CLDN14: variants seen among roughly 807,000 people sequenced by gnomAD.
CLDN14 encodes claudin 14.
CLDN14 carries 2 observed loss-of-function variants against 2.1 expected under a neutral mutation model. The ratio of observed to expected loss-of-function variants is 0.96; its 90% CI spans 0.39 to 3.01. CLDN14 has a LOEUF of 3.01. Among genes scored for constraint, CLDN14 ranks in the 30% most tolerant of loss-of-function variants. The probability of loss-of-function intolerance (pLI) is 0.09; values close to 1 mark genes in which losing one functional copy is unlikely to be tolerated. For missense variants in CLDN14, 298 were observed against 328.0 expected (o/e 0.91, Z 0.71); for synonymous variants, 136 against 154.4 (o/e 0.88, Z 0.88).
chr21:36,490,323 C>T (rs2086947768), intron 2 of CLDN14, among the ~76,000 whole-genome samples: 1 of 152,100 alleles, frequency 6.6e-6, no homozygotes, highest in Admixed American at 6.5e-5. Context: ...CCTGCCTCAG[C>T]CTCCCAAAGA....
chr21:36,461,295 A>G lies in CLDN14; in HGVS notation c.401T>C (p.Val134Ala), dbSNP rs1256854404. 2.5e-6 allele frequency: 4 copies of G among 1,613,738 alleles called. No homozygotes were observed. The Admixed American group carries it at 6.7e-5, about 27-fold the overall frequency. ...LFILAGLLCMVAVSWTTNDVV... is the reference protein window; with the variant it reads ...LFILAGLLCMAAVSWTTNDVV... ...GTCGTTGGTGGTCCAGGAGACGGCC[A>G]CCATGCACAGGAGGCCGGCCAGGAT... The change falls in exon 2 of 2, where the codon GTG (valine) becomes GCG (alanine). Residue 134 changes from valine (V) to alanine (A), a missense_variant. Physicochemically the swap from Val to Ala is moderately conservative, Grantham distance 64. Transcript: ENST00000399135.
intron 1 of CLDN14, chr21:36,531,968 T>C (rs1032478315): frequency 2.0e-5 from 3 of 152,124 alleles, no homozygotes; most frequent in African/African-American, 4.8e-5. Context: ...TTTTTGTTGA[T>C]AGGTGCAGGA....
rs3030072 is a variant in CLDN14, at chr21:36,518,075, T to TACACACAC, written c.-219-7583_-219-7576dup. Among the ~76,000 whole-genome samples the TACACACAC allele has an allele frequency of 3.5e-3, 523 of 148,532 alleles. 2 individuals carry two copies. The highest frequency in any genetic ancestry group is 0.012 in the African/African-American group (493 of 39,862). The stretch of plus-strand genomic sequence containing the variant: ...ATAAATCTCTCTCCACTTACATACG[T>TACACACAC]ACACACACACACACACACACACACA... On this transcript the variant is annotated intron_variant, in intron 1 of 2. Transcript: ENST00000342108.
rs142309167 is a variant in CLDN14, at chr21:36,552,684, A to AAAAAC, written c.-220+23722_-220+23726dup. On this transcript the variant is annotated intron_variant, in intron 1 of 2. Coordinates refer to the CLDN14 transcript ENST00000342108. ...TTGAATCCCTATGATAAAACAAGAC[A>AAAAAC]AAAACAAAACAAAACAAAACAAAAC... Among the ~76,000 whole-genome samples, 16 of 150,576 alleles carry AAAAAC rather than the reference A, an allele frequency of 1.1e-4. No individual in the cohort carries two copies. In the South Asian group the frequency reaches 1.5e-3, roughly 14 times the overall value.
rs535578002 is a variant in CLDN14, at chr21:36,463,451, C to T, written c.-81-1675G>A. On this transcript the variant is annotated intron_variant, in intron 1 of 1. Transcript: ENST00000399135. ...CCCCATCGGGGCTCGGCGGCTCACG[C>T]CTGTAATCCCAGCACTTTGGGAGGC... Among the ~76,000 whole-genome samples the T allele has an allele frequency of 7.9e-5, 12 of 152,334 alleles. No individual in the cohort carries two copies. In the South Asian group the frequency reaches 1.9e-3, roughly 24 times the overall value.
chr21:36,468,441 G>GTGAT (rs1304580159), intron 1 of CLDN14, among the ~76,000 whole-genome samples: 1 of 152,104 alleles, frequency 6.6e-6, no homozygotes, highest in Non-Finnish European at 1.5e-5. Context: ...GCCGGGTGTG[G>GTGAT]TGATGCATGC....
chr21:36,491,907 G>C (rs1391020426), intron 2 of CLDN14, among the ~76,000 whole-genome samples: 19 of 152,266 alleles, frequency 1.2e-4, no homozygotes, highest in Non-Finnish European at 2.9e-5. Flanking sequence ...CATTAAGTGA[G>C]GAGTCCTTGA....
chr21:36,470,036 A>G (rs1001572875), intron 1 of CLDN14, among the ~76,000 whole-genome samples: 1 of 152,188 alleles, frequency 6.6e-6, no homozygotes, highest in Non-Finnish European at 1.5e-5. Flanking sequence ...AAACAAAACA[A>G]AAACAAAAAC....
chr21:36,513,491 C>G (rs2835371), intron 1 of CLDN14, among the ~76,000 whole-genome samples: 119,588 of 152,200 alleles, frequency 0.79, 48,642 homozygotes, highest in Non-Finnish European at 0.92. Context: ...AGTGACAGAA[C>G]ACATTTTTCT....
At chr21:36,555,641 C>T (rs955821447) in intron 1 of CLDN14, among the ~76,000 whole-genome samples, 6 of 152,122 alleles carry the variant, frequency 3.9e-5, no homozygotes, top group African/African-American at 7.2e-5. Context: ...GGGCTCCAGA[C>T]GTTTTCTCGT....
chr21:36,507,441 G>A (rs1218519330), intron 2 of CLDN14, among the ~76,000 whole-genome samples: 1 of 152,094 alleles, frequency 6.6e-6, no homozygotes, highest in African/African-American at 2.4e-5. Context: ...TGGAATGAGA[G>A]GGAAGGAAAT....
At chr21:36,536,655 G>A (rs577378129) in intron 1 of CLDN14, among the ~76,000 whole-genome samples, 1 of 152,264 alleles carries the variant, frequency 6.6e-6, no homozygotes, top group African/African-American at 2.4e-5. Flanking sequence ...TTATACGAAC[G>A]ACACTAATGT....
At chr21:36,507,398 C>G (rs1414846040) in intron 2 of CLDN14, among the ~76,000 whole-genome samples, 1 of 152,104 alleles carries the variant, frequency 6.6e-6, no homozygotes, top group African/African-American at 2.4e-5. Context: ...AGCCCAGAGA[C>G]AACCGCTTGA....
chr21:36,461,340 A>G lies in CLDN14; in HGVS notation c.356T>C (p.Ile119Thr). Residue 119 changes from isoleucine to threonine, a missense_variant, in exon 2 of 2, where the codon ATC becomes ACC. Physicochemically the swap from Ile to Thr is moderately conservative, Grantham distance 89. Coordinates refer to ENST00000399135, the MANE Select transcript of CLDN14 (RefSeq NM_001146079.2). ...CAGGATGAAGAGGGTGCCGCCGAGG[A>G]TGGCAAAGGTGGTCTTGGCGGGTGT... Reference protein sequence around the residue: ...KGTPAKTTFAILGGTLFILAG... With the variant: ...KGTPAKTTFATLGGTLFILAG... The G allele has an allele frequency of 6.2e-7, 1 of 1,613,544 alleles. No individual in the cohort carries two copies. The highest frequency in any genetic ancestry group is 8.5e-7 in the Non-Finnish European group (1 of 1,179,956).
intron 2 of CLDN14, among the ~76,000 whole-genome samples, chr21:36,500,588 T>C (rs757065827): frequency 1.6e-4 from 24 of 152,142 alleles, no homozygotes; most frequent in Non-Finnish European, 3.1e-4. Flanking sequence ...TGTGCCACCA[T>C]GCCTGGCTAA....
chr21:36,464,436 A>T (rs967427427), intron 1 of CLDN14, among the ~76,000 whole-genome samples: 2 of 152,174 alleles, frequency 1.3e-5, no homozygotes, highest in Non-Finnish European at 2.9e-5. Context: ...CACAGCCCAG[A>T]ATTTGCCACA....
Position 36,479,630 on chromosome 21 carries a change from T to G in CLDN14, c.-217A>C, listed in dbSNP as rs1482658193. ...GCTGCCACCCTCCTGCCTTCCCTCT[T>G]CTGCCAACCAGACGCTTCCAGGACG... is the stretch of plus-strand genomic sequence containing the variant. On this transcript the variant is annotated 5_prime_UTR_variant, in exon 1 of 2. Transcript: ENST00000399135. 6.6e-6 allele frequency: 1 copy of G among 152,168 alleles called. No individual in the cohort carries two copies. The highest frequency in any genetic ancestry group is 2.4e-5 in the African/African-American group (1 of 41,430). 9.4% of individuals were successfully genotyped at this position (152,168 alleles called of 1,614,324 possible).
chr21:36,543,575 A>G (rs1048479086), intron 1 of CLDN14, among the ~76,000 whole-genome samples: 1 of 152,204 alleles, frequency 6.6e-6, no homozygotes, highest in Non-Finnish European at 1.5e-5. Flanking sequence ...TGGGCACTAT[A>G]ATAAGTGCTT....
At chr21:36,534,026 C>T (rs188444193) in intron 1 of CLDN14, among the ~76,000 whole-genome samples, 25 of 152,300 alleles carry the variant, frequency 1.6e-4, no homozygotes, top group African/African-American at 5.8e-4. Context: ...ATCTGACGTG[C>T]CTGTGCAGCT....
Sources: gnomAD v4.1 joint callset for allele counts (sites outside exome capture counted in the v4.1 genomes callset) on GRCh38, gnomAD v4.1.1 for gene constraint, MANE v1.5 for transcripts, NCBI Gene and HGNC (gene_info 2026-07-23, HGNC 2026-07-21) for gene names.